Variants in LINGO2 observed in about 807,000 individuals in gnomAD.
LINGO2 encodes leucine-rich repeat and immunoglobulin-like domain-containing nogo receptor-interacting protein 2.
Under a neutral mutation model 30.6 loss-of-function variants are expected in LINGO2, and 14 were observed. The ratio of observed to expected loss-of-function variants is 0.46; its 90% CI spans 0.30 to 0.72. LINGO2 has a LOEUF of 0.72. Ranked by LOEUF, LINGO2 falls within the 30% of genes least tolerant of loss-of-function variation. The pLI is 0.07. For synonymous variants in LINGO2, 317 were observed against 288.5 expected, an observed-to-expected ratio of 1.10 and a Z score of -1.00; for missense variants, 729 against 751.7, an observed-to-expected ratio of 0.97 and a Z score of 0.35.
At chr9:29,020,745 A>G in the LINGO2 span, among the ~76,000 whole-genome samples, 1 of 152,126 alleles carries the variant, frequency 6.6e-6, no homozygotes, top group African/African-American at 2.4e-5. Flanking sequence ...CCATTAAGAA[A>G]GGAAGGGAAA....
intron 4 of LINGO2, among the ~76,000 whole-genome samples, chr9:28,151,349 G>T (rs928471041): frequency 2.0e-5 from 3 of 151,812 alleles, no homozygotes; most frequent in Non-Finnish European, 4.4e-5. Flanking sequence ...TAAAAATCTT[G>T]AATAAGTATG....
chr9:28,278,179 T>C (rs529276754), intron 4 of LINGO2, among the ~76,000 whole-genome samples: 1 of 152,166 alleles, frequency 6.6e-6, no homozygotes, highest in Non-Finnish European at 1.5e-5. Flanking sequence ...GAAAAAAAAG[T>C]TGAACACTAG....
intron 1 of LINGO2, among the ~76,000 whole-genome samples, chr9:28,560,704 T>C (rs1823001672): frequency 6.6e-6 from 1 of 152,014 alleles, no homozygotes; most frequent in African/African-American, 2.4e-5. Flanking sequence ...TCTCACTCTG[T>C]CACCCAGGTT....
intron 4 of LINGO2, among the ~76,000 whole-genome samples, chr9:28,261,915 C>G (rs540238899): frequency 1.3e-5 from 2 of 152,062 alleles, no homozygotes; most frequent in Admixed American, 1.3e-4. Context: ...TGGCAACCAT[C>G]TTGCTGGTGA....
At chr9:28,156,782 G>T (rs10812746) in intron 4 of LINGO2, among the ~76,000 whole-genome samples, 49,022 of 152,150 alleles carry the variant, frequency 0.32, 9,187 homozygotes, top group East Asian at 0.6. Context: ...AAAACAAAGG[G>T]GCCACAGGCC....
intron 3 of LINGO2, among the ~76,000 whole-genome samples, chr9:28,305,742 G>A (rs1007755579): frequency 3.9e-5 from 6 of 151,908 alleles, no homozygotes; most frequent in African/African-American, 1.4e-4. Context: ...AAAAAATTCT[G>A]TTGGGATTGT....
At chr9:28,321,864 T>C (rs1381188521) in intron 3 of LINGO2, among the ~76,000 whole-genome samples, 1 of 152,080 alleles carries the variant, frequency 6.6e-6, no homozygotes, top group Non-Finnish European at 1.5e-5. Flanking sequence ...CCATTGGATG[T>C]TAGGACAGGC....
At chr9:28,531,675 T>C (rs1282583438) in intron 1 of LINGO2, among the ~76,000 whole-genome samples, 1 of 152,194 alleles carries the variant, frequency 6.6e-6, no homozygotes, top group Non-Finnish European at 1.5e-5. Context: ...CAGTACAATA[T>C]ATATTTAATT....
At chr9:28,421,697 C>CA (rs894178349) in intron 2 of LINGO2, among the ~76,000 whole-genome samples, 13 of 151,962 alleles carry the variant, frequency 8.6e-5, no homozygotes, top group Non-Finnish European at 1.6e-4. Flanking sequence ...ACACCATCTG[C>CA]ATTTAATTGA....
the LINGO2 span, among the ~76,000 whole-genome samples, chr9:28,965,018 T>C: frequency 6.6e-6 from 1 of 151,792 alleles, no homozygotes. Context: ...AAGAGAATAA[T>C]CTTATATTAA....
At chr9:29,038,217 C>T in the LINGO2 span, among the ~76,000 whole-genome samples, 4,183 of 152,076 alleles carry the variant, frequency 0.028, 185 homozygotes, top group African/African-American at 0.094. Flanking sequence ...GTGGTTGTAT[C>T]GGTTATACTC....
At chr9:28,679,682 T>A in the LINGO2 span, among the ~76,000 whole-genome samples, 1 of 152,100 alleles carries the variant, frequency 6.6e-6, no homozygotes, top group Non-Finnish European at 1.5e-5. Context: ...TTAATAATTA[T>A]ATTTAAATGT....
chr9:28,182,694 A>AACAT (rs556777099), intron 4 of LINGO2, among the ~76,000 whole-genome samples: 1 of 152,218 alleles, frequency 6.6e-6, no homozygotes, highest in Non-Finnish European at 1.5e-5. Flanking sequence ...ATGGCCAACA[A>AACAT]ACATGAAAAA....
chr9:28,705,101 G>A, the LINGO2 span, among the ~76,000 whole-genome samples: 3 of 151,722 alleles, frequency 2.0e-5, no homozygotes, highest in Non-Finnish European at 1.5e-5. Flanking sequence ...TTTTTTTGTA[G>A]AGTTTGAGTT....
At chr9:28,783,857 T>C in the LINGO2 span, among the ~76,000 whole-genome samples, 1 of 152,148 alleles carries the variant, frequency 6.6e-6, no homozygotes, top group Admixed American at 6.5e-5. Flanking sequence ...CAGTGGCAGA[T>C]CCAGTGTCTG....
chr9:28,100,621 G>A (rs778261776), intron 4 of LINGO2, among the ~76,000 whole-genome samples: 1 of 152,064 alleles, frequency 6.6e-6, no homozygotes, highest in Non-Finnish European at 1.5e-5. Flanking sequence ...TACTATCCAG[G>A]CTTGTTTGTG....
the LINGO2 span, among the ~76,000 whole-genome samples, chr9:28,716,021 G>GC: frequency 2.0e-5 from 3 of 151,700 alleles, no homozygotes; most frequent in African/African-American, 7.3e-5. Context: ...CTTTATACAG[G>GC]CATCGTACAA....
intron 4 of LINGO2, among the ~76,000 whole-genome samples, chr9:28,097,691 C>T (rs1431442462): frequency 2.3e-5 from 2 of 87,928 alleles, no homozygotes; most frequent in African/African-American, 4.8e-5. Context: ...GTGGTGGGGT[C>T]GGGGGAGGGG....
chr9:28,637,028 C>T (rs1827314556), intron 1 of LINGO2, among the ~76,000 whole-genome samples: 1 of 152,234 alleles, frequency 6.6e-6, no homozygotes, highest in East Asian at 1.9e-4. Flanking sequence ...CCAGTTTCAG[C>T]TTTCTACATA....
Sources: allele counts gnomAD v4.1 joint callset (sites outside exome capture counted in the v4.1 genomes callset), GRCh38; gene constraint gnomAD v4.1.1; transcripts MANE v1.5; gene names NCBI Gene and HGNC (gene_info 2026-07-23, HGNC 2026-07-21).